The following ABCA1 variants were observed in gnomAD, a reference collection of about 807,000 sequenced individuals.
The protein encoded by ABCA1 is phospholipid-transporting ATPase ABCA1.
Under a neutral mutation model 262.5 loss-of-function variants are expected in ABCA1, and 133 were observed. That is an observed-to-expected ratio of 0.51 (90% CI 0.44 to 0.59). The LOEUF is 0.59. Ranked by LOEUF, ABCA1 falls within the 20% of genes least tolerant of loss-of-function variation. The pLI is 0.00. For synonymous variants in ABCA1, 1,022 were observed against 1,043.5 expected (o/e 0.98, Z 0.40); for missense variants, 2,452 against 2,777.5 (o/e 0.88, Z 2.63).
At chr9:104,812,925 T>C (rs1320221080) in intron 27 of ABCA1, among the ~76,000 whole-genome samples, 1 of 152,214 alleles carries the variant, frequency 6.6e-6, no homozygotes, top group African/African-American at 2.4e-5. Context: ...GTCTCTGCCT[T>C]TCAGTCCTTG....
intron 9 of ABCA1, among the ~76,000 whole-genome samples, chr9:104,839,164 G>A (rs1043060386): frequency 6.6e-6 from 1 of 152,156 alleles, no homozygotes; most frequent in Non-Finnish European, 1.5e-5. Context: ...CGAGGCATAC[G>A]GCACACGGGC....
intron 17 of ABCA1, 60 bp downstream of exon 17, chr9:104,825,623 A>C: frequency 6.4e-7 from 1 of 1,556,644 alleles, no homozygotes; most frequent in Non-Finnish European, 8.9e-7. Flanking sequence ...AGATTCTAGC[A>C]CAAAGAAAGG....
chr9:104,786,311 G>T lies in ABCA1; in HGVS notation c.6388C>A (p.His2130Asn). Residue 2130 changes from histidine to asparagine, a missense_variant, in exon 48 of 50, where the codon CAT (histidine) becomes AAT (asparagine). Coordinates refer to ENST00000374736, the MANE Select transcript of ABCA1 (RefSeq NM_005502.4). ...GRFRCLGSVQ[H>N]LKNRFGDGYT... Reference sequence around the variant, plus strand: ...TATCTTTATTACCTATTTTTTAGATGCTGGACACTGCCAAGGCACCTGAAC... The same window carrying T: ...TATCTTTATTACCTATTTTTTAGATTCTGGACACTGCCAAGGCACCTGAAC... The T allele has an allele frequency of 6.2e-7, 1 of 1,613,738 alleles. No individual in the cohort carries two copies. Among genetic ancestry groups the T allele is most frequent in the Non-Finnish European group, 8.5e-7 (1 of 1,179,718 alleles).
At chr9:104,899,281 T>G (rs1352157901) in intron 2 of ABCA1, among the ~76,000 whole-genome samples, 1 of 152,146 alleles carries the variant, frequency 6.6e-6, no homozygotes, top group African/African-American at 2.4e-5. Context: ...CAGGTGAAAC[T>G]AGAAGTGGGG....
chr9:104,901,864 CG>C (rs1840695126), intron 2 of ABCA1, among the ~76,000 whole-genome samples: 1 of 152,124 alleles, frequency 6.6e-6, no homozygotes. Context: ...CAGTACATCG[CG>C]GGGCCTTAAA....
At position 104,889,134 on chromosome 9, in the gene ABCA1, C is replaced by CGA; in HGVS notation, c.126_127dup (p.Arg43LeufsTer3). On this transcript the variant is annotated frameshift_variant, in exon 3 of 50. Transcript: ENST00000374736. LOFTEE classifies it high-confidence loss of function. The stretch of plus-strand genomic sequence containing the variant: ...TTGTTCATAGGGTGGGTAGCTCAGC[C>CGA]GAACAGAGATCAGGATCAGGAAGAT... The CGA allele has an allele frequency of 6.2e-7, 1 of 1,614,032 alleles. No homozygotes were observed. The highest frequency in any genetic ancestry group is 2.2e-5 in the East Asian group (1 of 44,870).
intron 43 of ABCA1, 33 bp from the exon 44 acceptor site, chr9:104,791,061 C>G (rs763747098): frequency 8.0e-6 from 12 of 1,507,296 alleles, no homozygotes; most frequent in Admixed American, 1.7e-5. Flanking sequence ...TATAAGCAAA[C>G]TCTAAAAACA....
intron 34 of ABCA1, 106 bp from the exon 35 acceptor site, chr9:104,800,690 C>A: frequency 1.0e-6 from 1 of 952,644 alleles, no homozygotes; most frequent in Non-Finnish European, 1.7e-6. Flanking sequence ...AAGAGCAATG[C>A]CACTACCTTG....
At chr9:104,814,512 A>G (rs761055894) in intron 25 of ABCA1, 37 bp from the exon 26 acceptor site, 3 of 1,599,460 alleles carry the variant, frequency 1.9e-6, no homozygotes, top group Non-Finnish European at 2.6e-6. Flanking sequence ...TATAAGCACC[A>G]ACATTACGAG....
At position 104,804,492 on chromosome 9, in the gene ABCA1, T is replaced by C; in HGVS notation, c.4559+134A>G. On this transcript the variant is annotated intron_variant, in intron 32 of 49. Coordinates refer to ENST00000374736, the MANE Select transcript of ABCA1 (RefSeq NM_005502.4). ...CGTCATCTTTTCTAGTTTGGGATAA[T>C]ATCCTAAACTTCCAATAGACAGAAT... The C allele has an allele frequency of 3.8e-6, 3 of 780,338 alleles. 1 individual carries two copies. Among genetic ancestry groups the C allele is most frequent in the South Asian group, 2.8e-5 (2 of 71,624 alleles). The allele number at this position is 780,338 out of a possible 1,614,324, so 48.3% of individuals were successfully genotyped here.
At chr9:104,799,572 T>G in intron 36 of ABCA1, 2 of 984,920 alleles carry the variant, frequency 2.0e-6, no homozygotes, top group Non-Finnish European at 2.4e-6. Context: ...TTGAACTCAC[T>G]TTATATGAAT....
chr9:104,925,615 C>G lies in ABCA1; in HGVS notation c.-93+2320G>C, dbSNP rs115919518. 8.8e-3 allele frequency among the ~76,000 whole-genome samples: 1,335 copies of G among 152,226 alleles called. 23 individuals are homozygous for G. The highest frequency in any genetic ancestry group is 0.031 in the African/African-American group (1,273 of 41,548). On this transcript the variant is annotated intron_variant, in intron 1 of 49. Coordinates refer to ENST00000374736, the MANE Select transcript of ABCA1 (RefSeq NM_005502.4). ...TGTAGTCATCGTGAAGGCTGAAGAC[C>G]CACTTCCCCGGTCCTTCTGATTGTA...
chr9:104,825,987 A>G (rs1271074598), intron 16 of ABCA1, 100 bp from the exon 17 acceptor site: 1 of 1,215,892 alleles, frequency 8.2e-7, no homozygotes. Flanking sequence ...GAATTTGCAA[A>G]ATGGATCAAT....
At chr9:104,864,882 C>T (rs1221274982) in intron 5 of ABCA1, among the ~76,000 whole-genome samples, 1 of 152,192 alleles carries the variant, frequency 6.6e-6, no homozygotes, top group Admixed American at 6.5e-5. Context: ...ATGAGAACAT[C>T]TGGATGTGAT....
At chr9:104,788,208 A>C (rs1422744134) in intron 45 of ABCA1, among the ~76,000 whole-genome samples, 154 bp from the exon 46 acceptor site, 2 of 152,008 alleles carry the variant, frequency 1.3e-5, no homozygotes, top group Non-Finnish European at 2.9e-5. Context: ...GGGAGAAGGG[A>C]CTCGTGTGGT....
intron 8 of ABCA1, 62 bp from the exon 9 acceptor site, chr9:104,840,581 G>T: frequency 6.6e-7 from 1 of 1,503,950 alleles, no homozygotes; most frequent in Non-Finnish European, 9.1e-7. Flanking sequence ...CAGTGCAAGG[G>T]TTGGGGATGA....
chr9:104,835,408 C>G (rs1588350395), intron 11 of ABCA1, among the ~76,000 whole-genome samples: 1 of 152,114 alleles, frequency 6.6e-6, no homozygotes, highest in African/African-American at 2.4e-5. Context: ...TACTGGACAT[C>G]GCTACCACCC....
chr9:104,871,402 G>T (rs1438309623), intron 5 of ABCA1, among the ~76,000 whole-genome samples: 3 of 152,158 alleles, frequency 2.0e-5, no homozygotes, highest in Non-Finnish European at 4.4e-5. Context: ...AGAAGTTACT[G>T]GAAGTCCCTA....
chr9:104,863,024 T>C (rs1000838312), intron 5 of ABCA1, among the ~76,000 whole-genome samples: 19 of 151,944 alleles, frequency 1.3e-4, no homozygotes, highest in Non-Finnish European at 1.9e-4. Context: ...GCTAAAGGAT[T>C]TCATACGGAA....
Sources: allele counts gnomAD v4.1 joint callset (sites outside exome capture counted in the v4.1 genomes callset), GRCh38; gene constraint gnomAD v4.1.1; transcripts MANE v1.5; gene names NCBI Gene and HGNC (gene_info 2026-07-23, HGNC 2026-07-21).